The following SEMA5A variants were observed in gnomAD, a reference collection of about 807,000 sequenced individuals.
SEMA5A encodes semaphorin 5A, also known as semaphorin-5A.
In SEMA5A, 55 loss-of-function variants were observed where a neutral mutation model predicts 135.5. The ratio of observed to expected loss-of-function variants is 0.41; its 90% CI spans 0.33 to 0.51. SEMA5A has a LOEUF of 0.51. Ranked by LOEUF, SEMA5A falls within the 20% of genes least tolerant of loss-of-function variation. SEMA5A has a pLI of 0.37. For missense variants in SEMA5A, 1,290 were observed against 1,419.9 expected (o/e 0.91, Z 1.47); for synonymous variants, 580 against 546.5 (o/e 1.06, Z -0.85).
chr5:9,042,835 A>G lies in SEMA5A; in HGVS notation c.*62T>C, dbSNP rs1456416291. ...ACTCTGAAGCCTCAGAAACATGGGC[A>G]GTCATGGGGCACAGGCCTTGAGGAA... On this transcript the variant is annotated 3_prime_UTR_variant, in exon 23 of 23. Coordinates refer to ENST00000382496, the MANE Select transcript of SEMA5A (RefSeq NM_003966.3). 2 of 1,591,764 alleles carry G rather than the reference A, an allele frequency of 1.3e-6. No homozygotes were observed. Among genetic ancestry groups the G allele is most frequent in the Non-Finnish European group, 1.7e-6 (2 of 1,163,772 alleles).
At chr5:9,073,733 T>C (rs981072521) in intron 16 of SEMA5A, among the ~76,000 whole-genome samples, 23 of 152,118 alleles carry the variant, frequency 1.5e-4, no homozygotes, top group Admixed American at 1.3e-4. Flanking sequence ...AAAAAGCTAC[T>C]AGAAGTAATA....
At chr5:9,284,147 C>T (rs1443553818) in intron 5 of SEMA5A, among the ~76,000 whole-genome samples, 1 of 150,244 alleles carries the variant, frequency 6.7e-6, no homozygotes, top group Non-Finnish European at 1.5e-5. Context: ...GAGATAGATG[C>T]TGTCTGTGCC....
chr5:9,364,513 T>C (rs1754833094), intron 3 of SEMA5A, among the ~76,000 whole-genome samples: 2 of 152,312 alleles, frequency 1.3e-5, no homozygotes, highest in Middle Eastern at 3.4e-3. Context: ...GGCTTGCTTT[T>C]ATCATGCTCC....
At chr5:9,388,872 C>G (rs1756018458) in intron 2 of SEMA5A, among the ~76,000 whole-genome samples, 1 of 148,718 alleles carries the variant, frequency 6.7e-6, no homozygotes, top group African/African-American at 2.5e-5. Context: ...GCACTCCAGC[C>G]TGGGTGACAC....
intron 12 of SEMA5A, among the ~76,000 whole-genome samples, chr5:9,140,229 G>C (rs947892457): frequency 1.3e-5 from 2 of 152,064 alleles, no homozygotes; most frequent in African/African-American, 4.8e-5. Context: ...CAGTCTCATT[G>C]AATAAAACTT....
intron 16 of SEMA5A, among the ~76,000 whole-genome samples, chr5:9,072,820 C>T (rs1737843330): frequency 6.6e-6 from 1 of 152,150 alleles, no homozygotes; most frequent in African/African-American, 2.4e-5. Context: ...TTCACAATGT[C>T]TTGCATCCAA....
chr5:9,504,300 CTAATATTA>C (rs1198055590), intron 1 of SEMA5A, among the ~76,000 whole-genome samples: 1 of 150,452 alleles, frequency 6.6e-6, no homozygotes, highest in Non-Finnish European at 1.5e-5. Context: ...AATCTTCTTG[CTAATATTA>C]TAAAACCAAG....
chr5:9,087,588 C>T (rs570936144), intron 16 of SEMA5A, among the ~76,000 whole-genome samples: 4 of 151,742 alleles, frequency 2.6e-5, no homozygotes, highest in Non-Finnish European at 5.9e-5. Flanking sequence ...GCATGCTGTA[C>T]ATACATTCTT....
intron 2 of SEMA5A, among the ~76,000 whole-genome samples, chr5:9,418,779 T>C (rs1247527928): frequency 6.6e-6 from 1 of 152,232 alleles, no homozygotes; most frequent in African/African-American, 2.4e-5. Context: ...ACAGATAGAA[T>C]GTATCCAGAG....
chr5:9,140,732 T>C (rs965265945), intron 12 of SEMA5A, among the ~76,000 whole-genome samples: 6 of 152,198 alleles, frequency 3.9e-5, no homozygotes, highest in Non-Finnish European at 8.8e-5. Context: ...GTATGATTCT[T>C]TACACAGAGC....
intron 1 of SEMA5A, among the ~76,000 whole-genome samples, chr5:9,541,979 G>T (rs1480948400): frequency 6.6e-6 from 1 of 152,008 alleles, no homozygotes; most frequent in African/African-American, 2.4e-5. Flanking sequence ...GTTCTATTTT[G>T]CTTCAATTTT....
At chr5:9,157,024 C>A (rs1208618754) in intron 11 of SEMA5A, among the ~76,000 whole-genome samples, 1 of 152,258 alleles carries the variant, frequency 6.6e-6, no homozygotes, top group Non-Finnish European at 1.5e-5. Context: ...AACAAAACTA[C>A]AGGGCTTAGC....
At chr5:9,136,480 A>T (rs779954571) in intron 13 of SEMA5A, 24 bp downstream of exon 13, 1 of 1,586,510 alleles carries the variant, frequency 6.3e-7, no homozygotes, top group South Asian at 1.1e-5. Flanking sequence ...GCATTTTCAG[A>T]GGATGGAGAA....
At chr5:9,492,843 G>A (rs1735091977) in intron 1 of SEMA5A, among the ~76,000 whole-genome samples, 1 of 152,158 alleles carries the variant, frequency 6.6e-6, no homozygotes, top group Non-Finnish European at 1.5e-5. Context: ...AAAAAGATTG[G>A]TGGTTGCCAG....
intron 1 of SEMA5A, among the ~76,000 whole-genome samples, chr5:9,473,383 TAAAAAA>T (rs58137756): frequency 5.0e-5 from 4 of 79,702 alleles, no homozygotes; most frequent in South Asian, 7.1e-4. Context: ...CAATCAGTGG[TAAAAAA>T]AAAAAAAAAA....
At chr5:9,538,880 C>T (rs147936464) in intron 1 of SEMA5A, among the ~76,000 whole-genome samples, 43 of 152,244 alleles carry the variant, frequency 2.8e-4, no homozygotes, top group African/African-American at 8.2e-4. Context: ...CAGCAGGACT[C>T]GTATTTAGGC....
chr5:9,282,104 C>G (rs2150566306), intron 5 of SEMA5A, among the ~76,000 whole-genome samples: 1 of 152,250 alleles, frequency 6.6e-6, no homozygotes, highest in East Asian at 1.9e-4. Context: ...AGCCACCGTG[C>G]CCAGCCCAGG....
chr5:9,192,489 G>T (rs1745165726), intron 10 of SEMA5A, among the ~76,000 whole-genome samples: 1 of 152,192 alleles, frequency 6.6e-6, no homozygotes. Context: ...CAATTCTATG[G>T]TCTGTTGAGC....
intron 1 of SEMA5A, among the ~76,000 whole-genome samples, chr5:9,468,145 G>A (rs886365896): frequency 1.2e-4 from 19 of 152,216 alleles, no homozygotes; most frequent in Non-Finnish European, 2.2e-4. Flanking sequence ...AAACGGCAGG[G>A]AGGGCCCGGG....
Sources: gnomAD v4.1 joint callset for allele counts (sites outside exome capture counted in the v4.1 genomes callset) on GRCh38, gnomAD v4.1.1 for gene constraint, MANE v1.5 for transcripts, NCBI Gene and HGNC (gene_info 2026-07-23, HGNC 2026-07-21) for gene names.